CD163: variants seen among roughly 807,000 people sequenced by gnomAD.
CD163 encodes CD163 molecule.
A neutral mutation model predicts 129.2 loss-of-function variants in CD163; 64 were observed. The ratio of observed to expected loss-of-function variants is 0.50; its 90% CI spans 0.41 to 0.61. The LOEUF (loss-of-function observed/expected upper bound fraction) is 0.61. Among genes scored for constraint, CD163 ranks in the 20% least tolerant of loss-of-function variants. The probability of loss-of-function intolerance (pLI) is 0.00; values close to 1 mark genes in which losing one functional copy is unlikely to be tolerated. For missense variants in CD163, 1,061 were observed against 1,377.9 expected (o/e 0.77, Z 3.64); for synonymous variants, 446 against 478.5 (o/e 0.93, Z 0.89).
At position 7,487,795 on chromosome 12, in the gene CD163, C is replaced by T. The variant is rs1949274929; in HGVS notation, c.1713G>A (p.Arg571=). 2 of 1,613,924 alleles carry T rather than the reference C, an allele frequency of 1.2e-6. No homozygotes were observed. The highest frequency in any genetic ancestry group is 8.5e-7 in the Non-Finnish European group (1 of 1,180,012). ...TACTTGAGCAGACTACTCCAACATC[C>T]CTGCTGTGGCTACAAGTTCCTTCTG... ...PRPEGTCSHS[R]DVGVVCSRYT... Residue 571 remains arginine, a synonymous_variant, in exon 7 of 17, where the codon AGG becomes AGA. Coordinates refer to ENST00000432237, the MANE Select transcript of CD163 (RefSeq NM_203416.4). This position sits in a 1 kb window ranked among gnomAD's most constrained non-coding sequence, Gnocchi z 5.1.
Position 7,481,072 on chromosome 12 carries a change from T to A in CD163, c.3343+89A>T, listed in dbSNP as rs74832781. Reference sequence around the variant, plus strand: ...TTCCTATTACATTTTTAGACTTTTTTAACTGTTTATCAAAGTAGAATGTCT... The same window carrying A: ...TTCCTATTACATTTTTAGACTTTTTAAACTGTTTATCAAAGTAGAATGTCT... On this transcript the variant is annotated intron_variant, in intron 15 of 16. Transcript: ENST00000432237. 9.9e-3 allele frequency: 14,998 copies of A among 1,519,300 alleles called. 399 individuals are homozygous for A. Among genetic ancestry groups the A allele is most frequent in the East Asian group, 0.086 (3,725 of 43,544 alleles). The allele number at this position is 1,519,300 out of a possible 1,614,324, so 94.1% of individuals were successfully genotyped here. A position where few individuals can be genotyped will look rare whatever the true frequency, so the allele number is the denominator to read the frequency against.
At chr12:7,486,872 T>C (rs777641667) in intron 9 of CD163, 22 bp downstream of exon 9, 11 of 1,607,730 alleles carry the variant, frequency 6.8e-6, no homozygotes, top group African/African-American at 1.3e-5. Flanking sequence ...AATATTTTCA[T>C]AGATTTGTCA....
At chr12:7,498,735 T>C in intron 4 of CD163, 133 bp downstream of exon 4, 1 of 865,640 alleles carries the variant, frequency 1.2e-6, no homozygotes, top group Non-Finnish European at 1.8e-6. Flanking sequence ...AACTGGAACC[T>C]GAAGTTAGGT....
intron 16 of CD163, among the ~76,000 whole-genome samples, chr12:7,477,344 C>T (rs1187959924): frequency 6.6e-6 from 1 of 152,136 alleles, no homozygotes; most frequent in South Asian, 2.1e-4. Flanking sequence ...CTTAAATGCC[C>T]ATCAATGATA....
chr12:7,499,201 A>G lies in CD163; in HGVS notation c.458-13T>C, dbSNP rs1483630029. 1 of 1,596,076 alleles carries G rather than the reference A, an allele frequency of 6.3e-7. No homozygotes were observed. The highest frequency in any genetic ancestry group is 8.5e-7 in the Non-Finnish European group (1 of 1,171,364). ...AAATTGGATCCATCTGGAGCAGAGAAAAGACCAGAGTTCAGAAGTTACATT... is the reference window on the plus strand; with the variant it reads ...AAATTGGATCCATCTGGAGCAGAGAGAAGACCAGAGTTCAGAAGTTACATT... On this transcript the variant is annotated splice_polypyrimidine_tract_variant and intron_variant, in intron 3 of 16. Transcript: ENST00000432237.
At chr12:7,473,824 G>A (rs111587022) in intron 16 of CD163, among the ~76,000 whole-genome samples, 1 of 152,136 alleles carries the variant, frequency 6.6e-6, no homozygotes, top group African/African-American at 2.4e-5. Context: ...CTGTATTCAG[G>A]AGACCCACCT....
At chr12:7,492,620 C>T (rs952396875) in intron 6 of CD163, among the ~76,000 whole-genome samples, 1 of 152,016 alleles carries the variant, frequency 6.6e-6, no homozygotes, top group Non-Finnish European at 1.5e-5. Flanking sequence ...GACGTGGATT[C>T]TCCTTGCCAC....
At position 7,495,334 on chromosome 12, in the gene CD163, C is replaced by T. The variant is rs1361093743; in HGVS notation, c.1167G>A (p.Glu389=). Reference sequence around the variant, plus strand: ...ACACCTTCCCTAACAGTCTCTGAATCTCCACCTCAACTGTCCCAGCACAGC... The same window carrying T: ...ACACCTTCCCTAACAGTCTCTGAATTTCCACCTCAACTGTCCCAGCACAGC... ...GSRCAGTVEV[E]IQRLLGKVCD... Residue 389 remains glutamate (E), a synonymous_variant, in exon 6 of 17, where the codon GAG becomes GAA. Transcript: ENST00000432237. 1.2e-6 allele frequency: 2 copies of T among 1,614,142 alleles called. No individual in the cohort carries two copies. The highest frequency in any genetic ancestry group is 2.2e-5 in the South Asian group (2 of 91,076).
At chr12:7,493,135 G>A (rs1949347797) in intron 6 of CD163, among the ~76,000 whole-genome samples, 2 of 152,216 alleles carry the variant, frequency 1.3e-5, no homozygotes, top group Non-Finnish European at 2.9e-5. Context: ...ATCAGCCCTT[G>A]ATTAGTCAAT....
At chr12:7,502,346 C>T in intron 2 of CD163, 132 bp downstream of exon 2, 1 of 733,448 alleles carries the variant, frequency 1.4e-6, no homozygotes, top group South Asian at 1.5e-5. Flanking sequence ...TTAATAATAT[C>T]TGATCCTTTG....
rs117596482 is a variant in CD163 at position 7,478,030 on chromosome 12, A to G, written c.*31+1830T>C. Among the ~76,000 whole-genome samples, 472 of 152,270 alleles carry G rather than the reference A, an allele frequency of 3.1e-3. 12 individuals carry two copies. In the East Asian group the frequency reaches 0.046, roughly 15 times the overall value. On this transcript the variant is annotated intron_variant, in intron 16 of 16. Transcript: ENST00000432237. ...GCCAATACATAAATGGAATATTATT[A>G]TATTTTATAATGATTTTTTCTTTTT... is the stretch of plus-strand genomic sequence containing the variant.
Position 7,487,050 on chromosome 12 carries a change from T to A in CD163, c.2051-64A>T. The A allele has an allele frequency of 7.9e-7, 1 of 1,271,622 alleles. No homozygotes were observed. The highest frequency in any genetic ancestry group is 1.1e-6 in the Non-Finnish European group (1 of 879,766). 78.8% of individuals were successfully genotyped at this position (1,271,622 alleles called of 1,614,324 possible). On this transcript the variant is annotated intron_variant, in intron 8 of 16. Coordinates refer to ENST00000432237, the MANE Select transcript of CD163 (RefSeq NM_203416.4). The surrounding 1 kb of genome is among the most constrained non-coding windows in gnomAD (Gnocchi z 5.1). ...AGGTTAGGGGAGTCAGATGAAATGTTATATGGATGAGTTGAGGACAAACAT... is the reference window on the plus strand; with the variant it reads ...AGGTTAGGGGAGTCAGATGAAATGTAATATGGATGAGTTGAGGACAAACAT...
At position 7,487,713 on chromosome 12, in the gene CD163, T is replaced by C. The variant is rs776511687; in HGVS notation, c.1736-40A>G. ...GGCTTTAGAAAAAGACAGCTATGAC[T>C]CCCTAACCCTGTCCCTTTCACAGTA... On this transcript the variant is annotated intron_variant, in intron 7 of 16. Coordinates refer to ENST00000432237, the MANE Select transcript of CD163 (RefSeq NM_203416.4). The surrounding 1 kb of genome is among the most constrained non-coding windows in gnomAD (Gnocchi z 5.1). The C allele has an allele frequency of 6.2e-7, 1 of 1,613,934 alleles. No individual in the cohort carries two copies.
chr12:7,487,059 G>A lies in CD163; in HGVS notation c.2051-73C>T. The A allele has an allele frequency of 4.3e-6, 5 of 1,164,040 alleles. No homozygotes were observed. Among genetic ancestry groups the A allele is most frequent in the East Asian group, 2.4e-5 (1 of 42,036 alleles). The allele number at this position is 1,164,040 out of a possible 1,614,324, so 72.1% of individuals were successfully genotyped here. A position where few individuals can be genotyped will look rare whatever the true frequency, so the allele number is the denominator to read the frequency against. On this transcript the variant is annotated intron_variant, in intron 8 of 16. Transcript: ENST00000432237. The surrounding 1 kb of genome is among the most constrained non-coding windows in gnomAD (Gnocchi z 5.1). ...GAGTCAGATGAAATGTTATATGGAT[G>A]AGTTGAGGACAAACATAGCTTAGAG...
chr12:7,496,688 G>T lies in CD163; in HGVS notation c.1099+125C>A. On this transcript the variant is annotated intron_variant, in intron 5 of 16. Coordinates refer to ENST00000432237, the MANE Select transcript of CD163 (RefSeq NM_203416.4). The surrounding 1 kb of genome is among the most constrained non-coding windows in gnomAD (Gnocchi z 4.8). ...GATTACAGGTATAAAGGAATTCCCA[G>T]CAAGGAATTTACTAGGCATTTCTAC... 1 of 751,924 alleles carries T rather than the reference G, an allele frequency of 1.3e-6. No individual in the cohort carries two copies. Among genetic ancestry groups the T allele is most frequent in the Non-Finnish European group, 2.2e-6 (1 of 451,056 alleles). 46.6% of individuals were successfully genotyped at this position (751,924 alleles called of 1,614,324 possible). A position where few individuals can be genotyped will look rare whatever the true frequency, so the allele number is the denominator to read the frequency against.
rs756305706 is a variant in CD163 at position 7,483,422 on chromosome 12, T to C, written c.3033A>G (p.Arg1011=). 8.1e-6 allele frequency: 13 copies of C among 1,614,084 alleles called. No individual in the cohort carries two copies. The highest frequency in any genetic ancestry group is 3.3e-4 in the Middle Eastern group (2 of 6,060). ...GCCCACACTCACTATGGCCCCAGCG[T>C]CTGGCAGGACAATCCCACAAGGAAG... The part of the protein sequence containing the change: ...NESSLWDCPA[R]RWGHSECGHK... Residue 1011 remains arginine (R), a synonymous_variant, in exon 12 of 17, where the codon AGA becomes AGG. Coordinates refer to ENST00000432237, the MANE Select transcript of CD163 (RefSeq NM_203416.4).
chr12:7,498,596 C>T (rs928824285), intron 4 of CD163, among the ~76,000 whole-genome samples: 4 of 152,074 alleles, frequency 2.6e-5, no homozygotes, highest in African/African-American at 9.7e-5. Context: ...TTTTCGGTCT[C>T]TCCCTTTCTT....
At chr12:7,499,619 T>C (rs1017423811) in intron 3 of CD163, among the ~76,000 whole-genome samples, 1 of 152,206 alleles carries the variant, frequency 6.6e-6, no homozygotes, top group Admixed American at 6.5e-5. Flanking sequence ...CTAAAAGTAC[T>C]ACACTGTTTT....
In CD163 at chr12:7,486,902, G is replaced by C. The variant is rs190892078; in HGVS notation, c.2135C>G (p.Ala712Gly). The C allele has an allele frequency of 2.8e-5, 45 of 1,613,622 alleles. 1 individual carries two copies. The highest frequency in any genetic ancestry group is 1.7e-4 in the Middle Eastern group (1 of 6,060). ...TTGTCACAGAGTCTTACCTATGCAG[G>C]CCACAGCACTTTCTTCTGGAATGGT... The part of the protein sequence containing the change: ...RPTIPEESAV[A>G]CIESGQLRLV... Residue 712 changes from alanine (A) to glycine (G), a missense_variant, in exon 9 of 17, where the codon GCC becomes GGC. Physicochemically the swap from Ala to Gly is moderately conservative, Grantham distance 60. Transcript: ENST00000432237.
Sources: allele counts gnomAD v4.1 joint callset (sites outside exome capture counted in the v4.1 genomes callset), GRCh38; gene constraint gnomAD v4.1.1; non-coding constraint Gnocchi (gnomAD v3.1); transcripts MANE v1.5; gene names NCBI Gene and HGNC (gene_info 2026-07-23, HGNC 2026-07-21).